The following SLC38A4 variants were observed in gnomAD, a reference collection of about 807,000 sequenced individuals.
SLC38A4 encodes sodium-coupled neutral amino acid transporter 4.
SLC38A4 carries 20 observed loss-of-function variants against 63.1 expected under a neutral mutation model. That is an observed-to-expected ratio of 0.32 (90% CI 0.22 to 0.46). The LOEUF is 0.46. Among genes scored for constraint, SLC38A4 ranks in the 20% least tolerant of loss-of-function variants. The pLI is 1.00. For synonymous variants in SLC38A4, 230 were observed against 225.5 expected (o/e 1.02, Z -0.18); for missense variants, 526 against 663.6 (o/e 0.79, Z 2.28).
At chr12:46,812,734 G>T (rs1939364428) in intron 1 of SLC38A4, among the ~76,000 whole-genome samples, 1 of 151,906 alleles carries the variant, frequency 6.6e-6, no homozygotes, top group South Asian at 2.1e-4. Context: ...CTTTCTCCCT[G>T]TGGAACTCTT....
intron 2 of SLC38A4, among the ~76,000 whole-genome samples, chr12:46,794,331 A>T (rs1317015567): frequency 7.9e-5 from 12 of 152,196 alleles, no homozygotes; most frequent in Admixed American, 7.9e-4. Flanking sequence ...CACTAGCAAG[A>T]GTGCCAGTAG....
upstream of SLC38A4, among the ~76,000 whole-genome samples, chr12:46,827,696 G>C (rs1939677944): frequency 6.6e-6 from 1 of 152,002 alleles, no homozygotes; most frequent in Non-Finnish European, 1.5e-5. Flanking sequence ...ACATTTGTTT[G>C]GATTTTGTTG....
chr12:46,784,323 C>A (rs1412773511), intron 7 of SLC38A4, among the ~76,000 whole-genome samples: 1 of 152,018 alleles, frequency 6.6e-6, no homozygotes, highest in Admixed American at 6.6e-5. Context: ...TTCTAGAATT[C>A]AATTGGCAGG....
intron 3 of SLC38A4, among the ~76,000 whole-genome samples, chr12:46,790,881 A>G (rs1938870962): frequency 6.6e-6 from 1 of 152,218 alleles, no homozygotes; most frequent in Non-Finnish European, 1.5e-5. Flanking sequence ...TAAGGGTTCA[A>G]TCCAAACCAC....
Position 46,787,899 on chromosome 12 carries a change from C to T in SLC38A4, c.326+17G>A, listed in dbSNP as rs748397506. ...CATGGACTTCATCACCAAATGTAGA[C>T]ATATACATTCACTTACATAAAAAGT... On this transcript the variant is annotated intron_variant, in intron 5 of 16. Coordinates refer to ENST00000266579, the MANE Select transcript of SLC38A4 (RefSeq NM_018018.5). 6.5e-7 allele frequency: 1 copy of T among 1,545,518 alleles called. No homozygotes were observed. The highest frequency in any genetic ancestry group is 1.1e-5 in the South Asian group (1 of 88,970).
At chr12:46,774,909 T>A (rs2120756890) in intron 14 of SLC38A4, 140 bp downstream of exon 14, 1 of 997,206 alleles carries the variant, frequency 1.0e-6, no homozygotes, top group East Asian at 2.7e-5. Flanking sequence ...TTTAAGTGAC[T>A]CAAAATGCTA....
chr12:46,805,242 T>G (rs997086374), intron 1 of SLC38A4, among the ~76,000 whole-genome samples: 2 of 151,956 alleles, frequency 1.3e-5, no homozygotes, highest in Non-Finnish European at 2.9e-5. Context: ...GGATAAAAAT[T>G]AAAAGCACAC....
chr12:46,805,161 A>T (rs1396183072), intron 1 of SLC38A4, among the ~76,000 whole-genome samples: 1 of 151,954 alleles, frequency 6.6e-6, no homozygotes, highest in African/African-American at 2.4e-5. Flanking sequence ...ACTCTTCCTA[A>T]AATTGTAAGC....
chr12:46,819,271 G>T (rs1465871302), intron 1 of SLC38A4, among the ~76,000 whole-genome samples: 6 of 151,548 alleles, frequency 4.0e-5, no homozygotes, highest in Non-Finnish European at 7.4e-5. Context: ...ACCCTGTTTG[G>T]ATTCTGATTC....
intron 1 of SLC38A4, among the ~76,000 whole-genome samples, chr12:46,805,615 C>T (rs950307664): frequency 4.6e-5 from 7 of 151,972 alleles, no homozygotes; most frequent in Non-Finnish European, 8.8e-5. Flanking sequence ...TAATCTCATG[C>T]GCATTTGCTA....
At chr12:46,794,206 C>G (rs1388038841) in intron 2 of SLC38A4, among the ~76,000 whole-genome samples, 2 of 152,114 alleles carry the variant, frequency 1.3e-5, no homozygotes, top group Non-Finnish European at 2.9e-5. Flanking sequence ...GAAACTACCA[C>G]ATGGGAATAC....
At chr12:46,802,742 A>G (rs1939156291) in intron 2 of SLC38A4, among the ~76,000 whole-genome samples, 1 of 152,034 alleles carries the variant, frequency 6.6e-6, no homozygotes, top group Non-Finnish European at 1.5e-5. Context: ...AATGTGATAT[A>G]TATCATCAAT....
chr12:46,774,997 A>G (rs2120757145), intron 14 of SLC38A4, 52 bp downstream of exon 14: 1 of 1,592,470 alleles, frequency 6.3e-7, no homozygotes, highest in Admixed American at 1.7e-5. Flanking sequence ...GAACACATGT[A>G]CTAATTTATG....
intron 7 of SLC38A4, among the ~76,000 whole-genome samples, chr12:46,782,613 T>A (rs1184934075): frequency 2.6e-5 from 4 of 151,860 alleles, no homozygotes; most frequent in Non-Finnish European, 5.9e-5. Flanking sequence ...ATCATATATT[T>A]GTTTTATAAT....
At chr12:46,823,628 C>T (rs936737354) in intron 1 of SLC38A4, among the ~76,000 whole-genome samples, 1 of 152,198 alleles carries the variant, frequency 6.6e-6, no homozygotes, top group Admixed American at 6.5e-5. Flanking sequence ...GGGCTCCAGA[C>T]TGACTGTTTC....
rs1328783847 is a variant in SLC38A4 at position 46,765,816 on chromosome 12, T to C, written c.*885A>G. On this transcript the variant is annotated 3_prime_UTR_variant, in exon 17 of 17. Transcript: ENST00000266579. ...TATCAAATAAAAATGTATCAAACAA[T>C]ACTGGGTAGTGTATCTCCACGATTG... 6.3e-6 allele frequency: 1 copy of C among 159,652 alleles called. No individual in the cohort carries two copies. The highest frequency in any genetic ancestry group is 2.4e-5 in the African/African-American group (1 of 41,482). The allele number at this position is 159,652 out of a possible 1,614,324, so 9.9% of individuals were successfully genotyped here. A position where few individuals can be genotyped will look rare whatever the true frequency, so the allele number is the denominator to read the frequency against.
At chr12:46,768,669 A>G (rs1173093299) in intron 15 of SLC38A4, among the ~76,000 whole-genome samples, 1 of 152,046 alleles carries the variant, frequency 6.6e-6, no homozygotes, top group Non-Finnish European at 1.5e-5. Context: ...ATTTAACACA[A>G]ATTTACAGGG....
chr12:46,791,019 AG>A (rs1381726336), intron 3 of SLC38A4, among the ~76,000 whole-genome samples: 9 of 152,284 alleles, frequency 5.9e-5, no homozygotes, highest in Middle Eastern at 3.4e-3. Flanking sequence ...GCTTAAGAAA[AG>A]CATTCATGCT....
chr12:46,803,382 C>T (rs1370501102), intron 2 of SLC38A4, among the ~76,000 whole-genome samples: 1 of 151,736 alleles, frequency 6.6e-6, no homozygotes, highest in Non-Finnish European at 1.5e-5. Context: ...TTATGTTAAA[C>T]CTAAAATTAT....
Sources: allele counts gnomAD v4.1 joint callset (sites outside exome capture counted in the v4.1 genomes callset), GRCh38; gene constraint gnomAD v4.1.1; transcripts MANE v1.5; gene names NCBI Gene and HGNC (gene_info 2026-07-23, HGNC 2026-07-21).